Variants in NCOR2 observed in about 807,000 individuals in gnomAD.
The protein encoded by NCOR2 is nuclear receptor corepressor 2, also known as CTG repeat protein 26.
A neutral mutation model predicts 262.9 loss-of-function variants in NCOR2; 81 were observed. The ratio of observed to expected loss-of-function variants is 0.31; its 90% CI spans 0.26 to 0.37. The LOEUF is 0.37. Ranked by LOEUF, NCOR2 falls within the 10% of genes least tolerant of loss-of-function variation. The pLI, the probability that NCOR2 is intolerant of heterozygous loss-of-function variation, is 1.00. For missense variants in NCOR2, 3,385 were observed against 3,621.4 expected (o/e 0.93, Z 1.68); for synonymous variants, 1,659 against 1,559.3 (o/e 1.06, Z -1.51).
At position 124,532,946 on chromosome 12, in the gene NCOR2, AAT is replaced by A. The variant is rs1353125141; in HGVS notation, c.-118+2617_-118+2618del. 3.7e-4 allele frequency among the ~76,000 whole-genome samples: 21 copies of A among 56,310 alleles called. 1 individual carries two copies. The highest frequency in any genetic ancestry group is 9.2e-4 in the African/African-American group (14 of 15,256). The allele number at this position is 56,310 out of a possible 152,430, so 36.9% of individuals were successfully genotyped here. A position where few individuals can be genotyped will look rare whatever the true frequency, so the allele number is the denominator to read the frequency against. On this transcript the variant is annotated intron_variant, in intron 1 of 46. Coordinates refer to the NCOR2 transcript ENST00000404621. Reference sequence around the variant, plus strand: ...ACTCCTCCTTCCCCTCCTCCCTCCAAATCCCACTCCTCTTCCCCCCTCCCTCC... The same window carrying A: ...ACTCCTCCTTCCCCTCCTCCCTCCAACCCACTCCTCTTCCCCCCTCCCTCC...
At chr12:124,553,391 A>G (rs557863278) in intron 1 of NCOR2, among the ~76,000 whole-genome samples, 4 of 152,206 alleles carry the variant, frequency 2.6e-5, no homozygotes, top group Admixed American at 1.3e-4. Context: ...TCGGGGGACC[A>G]TTACTCAGCT....
chr12:124,340,412 G>A, exon 36 of NCOR2: 1 of 1,613,022 alleles, frequency 6.2e-7, no homozygotes, highest in Non-Finnish European at 8.5e-7. Flanking sequence ...ACGAGGACGT[G>A]GTGGTTGGTT....
At chr12:124,524,641 C>T (rs973956459) in intron 1 of NCOR2, among the ~76,000 whole-genome samples, 1 of 152,256 alleles carries the variant, frequency 6.6e-6, no homozygotes, top group Admixed American at 6.5e-5. Flanking sequence ...GACCCATCAA[C>T]TCCCCGTCAT....
chr12:124,379,301 T>C (rs61931988), intron 17 of NCOR2, among the ~76,000 whole-genome samples: 64,084 of 152,028 alleles, frequency 0.42, 16,176 homozygotes, highest in Middle Eastern at 0.57. Context: ...CAGAGCCCAC[T>C]CTTCTTCCCC....
intron 1 of NCOR2, among the ~76,000 whole-genome samples, chr12:124,546,672 CAA>C (rs996308056): frequency 5.9e-5 from 9 of 152,196 alleles, no homozygotes; most frequent in African/African-American, 1.9e-4. Flanking sequence ...CTTGGCCTTT[CAA>C]AGTGCTGGGG....
intron 13 of NCOR2, among the ~76,000 whole-genome samples, chr12:124,404,413 G>A (rs999568020): frequency 1.3e-5 from 2 of 152,250 alleles, no homozygotes; most frequent in Non-Finnish European, 2.9e-5. Context: ...CACCTGGGCT[G>A]TGGCGTCCCT....
At chr12:124,451,467 G>A (rs566583801) in intron 6 of NCOR2, among the ~76,000 whole-genome samples, 1 of 152,206 alleles carries the variant, frequency 6.6e-6, no homozygotes. Flanking sequence ...CCCACAGCTG[G>A]TAAGAGATGA....
intron 32 of NCOR2, 108 bp downstream of exon 34, chr12:124,344,489 C>T (rs1026759843): frequency 4.9e-5 from 51 of 1,049,182 alleles, no homozygotes; most frequent in Admixed American, 9.5e-5. Context: ...TGGTGGAAAG[C>T]GGGTGGCGAG....
chr12:124,385,753 G>A (rs1363699860), exon 17 of NCOR2: 5 of 1,613,722 alleles, frequency 3.1e-6, no homozygotes, highest in Non-Finnish European at 4.2e-6. Flanking sequence ...ACCATCTTCA[G>A]CTTGTGCTGC....
chr12:124,336,835 T>C (rs759160238), exon 38 of NCOR2: 2 of 1,612,654 alleles, frequency 1.2e-6, no homozygotes, highest in South Asian at 1.1e-5. Context: ...CCGAGGCAGG[T>C]GGCGCCGGCG....
At position 124,378,145 on chromosome 12, in the gene NCOR2, A is replaced by T; in HGVS notation, c.2167+92T>A. ...AAGGAGGACCCAGATGACTCAGGGG[A>T]GAGGAGGCTGCCGGGATCAGTTCCC... On this transcript the variant is annotated intron_variant, in intron 18 of 46. Coordinates refer to ENST00000405201, the Ensembl canonical transcript of NCOR2. This position sits in a 1 kb window ranked among gnomAD's most constrained non-coding sequence, Gnocchi z 4.2. 6.5e-7 allele frequency: 1 copy of T among 1,538,134 alleles called. No homozygotes were observed. The highest frequency in any genetic ancestry group is 8.7e-7 in the Non-Finnish European group (1 of 1,143,198).
At position 124,531,434 on chromosome 12, in the gene NCOR2, C is replaced by T. The variant is rs1170478120; in HGVS notation, c.-118+4131G>A. Among the ~76,000 whole-genome samples the T allele has an allele frequency of 7.2e-5, 11 of 152,188 alleles. No individual in the cohort carries two copies. Among genetic ancestry groups the T allele is most frequent in the Non-Finnish European group, 1.6e-4 (11 of 68,028 alleles). On this transcript the variant is annotated intron_variant, in intron 1 of 46. Coordinates refer to the NCOR2 transcript ENST00000404621. The surrounding 1 kb of genome is among the most constrained non-coding windows in gnomAD (Gnocchi z 4.5). ...CAACTGTCAGCCTCCTCCTCTCAGC[C>T]CGCCATCACAGGCACCATTAATTGC...
intron 13 of NCOR2, among the ~76,000 whole-genome samples, chr12:124,409,586 T>C (rs1347273153): frequency 6.6e-6 from 1 of 152,088 alleles, no homozygotes; most frequent in Non-Finnish European, 1.5e-5. Flanking sequence ...AAGTCCCCCA[T>C]GGGTGTCAGC....
At chr12:124,433,954 C>T (rs374621697) in intron 8 of NCOR2, among the ~76,000 whole-genome samples, 1 of 151,718 alleles carries the variant, frequency 6.6e-6, no homozygotes, top group African/African-American at 2.4e-5. Flanking sequence ...CCCCCACCCC[C>T]GCCAGCTAGT....
intron 21 of NCOR2, among the ~76,000 whole-genome samples, chr12:124,362,612 G>C (rs12821579): frequency 3.5e-3 from 162 of 46,514 alleles, no homozygotes; most frequent in Middle Eastern, 0.036. Context: ...CCTGGTGATG[G>C]ACAGGGGGAG....
intron 7 of NCOR2, among the ~76,000 whole-genome samples, chr12:124,439,257 A>G (rs201902912): frequency 2.9e-3 from 24 of 8,184 alleles, no homozygotes; most frequent in Non-Finnish European, 4.5e-3. Flanking sequence ...CCAGAGAGAG[A>G]GAGATGGAGA....
intron 5 of NCOR2, among the ~76,000 whole-genome samples, chr12:124,464,373 G>A (rs1231406893): frequency 6.6e-6 from 1 of 152,196 alleles, no homozygotes; most frequent in Non-Finnish European, 1.5e-5. Flanking sequence ...GAGAGGGCAG[G>A]TAGAGGTGAC....
At chr12:124,461,324 T>G (rs1219073017) in intron 5 of NCOR2, among the ~76,000 whole-genome samples, 2 of 152,162 alleles carry the variant, frequency 1.3e-5, no homozygotes, top group Non-Finnish European at 2.9e-5. Context: ...AAGGAAAACC[T>G]AGGGACTCAA....
intron 13 of NCOR2, among the ~76,000 whole-genome samples, chr12:124,416,717 C>T (rs1178777242): frequency 2.8e-5 from 4 of 145,330 alleles, no homozygotes; most frequent in Non-Finnish European, 6.0e-5. Flanking sequence ...ATAGAACCCG[C>T]GGCACAGGGA....
Sources: allele counts gnomAD v4.1 joint callset (sites outside exome capture counted in the v4.1 genomes callset), GRCh38; gene constraint gnomAD v4.1.1; non-coding constraint Gnocchi (gnomAD v3.1); transcripts MANE v1.5; gene names NCBI Gene and HGNC (gene_info 2026-07-23, HGNC 2026-07-21).